The following SHISAL1 variants were observed in gnomAD, a reference collection of about 807,000 sequenced individuals.
The protein encoded by SHISAL1 is protein shisa-like-1.
Under a neutral mutation model 22.6 loss-of-function variants are expected in SHISAL1, and 9 were observed. That is an observed-to-expected ratio of 0.40 (90% CI 0.24 to 0.70). The LOEUF is 0.70. Ranked by LOEUF, SHISAL1 falls within the 30% of genes least tolerant of loss-of-function variation. The pLI is 0.39. For synonymous variants in SHISAL1, 119 were observed against 115.4 expected, an observed-to-expected ratio of 1.03 and a Z score of -0.20; for missense variants, 246 against 270.6, an observed-to-expected ratio of 0.91 and a Z score of 0.64.
rs1024838037 is a variant in SHISAL1, at chr22:44,244,391, A to C, written c.*5294T>G. On this transcript the variant is annotated 3_prime_UTR_variant, in exon 5 of 5. Transcript: ENST00000381176. ...GGGAGCCCATTACCATTTATGGGAC[A>C]GTGTCGTGAATGGTGCCTCCTGGAG... The C allele has an allele frequency of 6.6e-6, 1 of 152,216 alleles. No homozygotes were observed. Among genetic ancestry groups the C allele is most frequent in the Non-Finnish European group, 1.5e-5 (1 of 68,062 alleles). 9.4% of individuals were successfully genotyped at this position (152,216 alleles called of 1,614,324 possible).
intron 4 of SHISAL1, among the ~76,000 whole-genome samples, chr22:44,254,385 G>A (rs749835031): frequency 2.6e-5 from 4 of 151,846 alleles, no homozygotes; most frequent in Non-Finnish European, 5.9e-5. Context: ...TTTAGAGACA[G>A]GCTCTTGCTC....
chr22:44,278,762 G>A (rs911100141), intron 4 of SHISAL1, among the ~76,000 whole-genome samples: 1 of 152,148 alleles, frequency 6.6e-6, no homozygotes, highest in Non-Finnish European at 1.5e-5. Flanking sequence ...GTGGTGATGT[G>A]GATCCTAGCT....
chr22:44,315,224 G>A (rs2055550608), upstream of SHISAL1, among the ~76,000 whole-genome samples: 1 of 152,134 alleles, frequency 6.6e-6, no homozygotes, highest in Admixed American at 6.5e-5. Context: ...CTGGAGTCTG[G>A]AAAATAGAAT....
chr22:44,325,793 C>T, the SHISAL1 span, among the ~76,000 whole-genome samples: 3 of 151,946 alleles, frequency 2.0e-5, no homozygotes, highest in Non-Finnish European at 2.9e-5. Flanking sequence ...ACCTTCATAA[C>T]GAGAAGCCAC....
At chr22:44,281,807 C>T (rs866553603) in intron 4 of SHISAL1, among the ~76,000 whole-genome samples, 7 of 152,156 alleles carry the variant, frequency 4.6e-5, no homozygotes, top group African/African-American at 7.2e-5. Flanking sequence ...GGGAAAGCCC[C>T]GCTTCTCCGT....
At chr22:44,258,926 G>T (rs921148212) in intron 4 of SHISAL1, among the ~76,000 whole-genome samples, 1 of 152,102 alleles carries the variant, frequency 6.6e-6, no homozygotes, top group Admixed American at 6.6e-5. Flanking sequence ...TACAGTAAGG[G>T]GCCCATCACA....
upstream of SHISAL1, among the ~76,000 whole-genome samples, chr22:44,313,336 G>C (rs1443606130): frequency 1.3e-5 from 2 of 152,236 alleles, no homozygotes; most frequent in East Asian, 3.8e-4. Context: ...CCTCTGGCCA[G>C]CATGGCCCGG....
intron 4 of SHISAL1, among the ~76,000 whole-genome samples, chr22:44,278,645 G>T (rs1385586552): frequency 6.6e-6 from 1 of 152,156 alleles, no homozygotes; most frequent in Non-Finnish European, 1.5e-5. Flanking sequence ...TGAACCTTTG[G>T]GGGTACAGAG....
At chr22:44,326,683 C>T in the SHISAL1 span, among the ~76,000 whole-genome samples, 1 of 152,104 alleles carries the variant, frequency 6.6e-6, no homozygotes, top group Non-Finnish European at 1.5e-5. Context: ...TGGGTGGTGA[C>T]TGGAGTATGT....
intron 3 of SHISAL1, among the ~76,000 whole-genome samples, chr22:44,293,190 C>T (rs12159180): frequency 0.027 from 4,087 of 152,302 alleles, 186 homozygotes; most frequent in African/African-American, 0.094. Flanking sequence ...GCACCACGCC[C>T]CCCTCCGCAG....
At chr22:44,260,027 G>A (rs903679823) in intron 4 of SHISAL1, among the ~76,000 whole-genome samples, 13 of 152,040 alleles carry the variant, frequency 8.6e-5, no homozygotes, top group Admixed American at 2.0e-4. Context: ...TCAAGACAAC[G>A]GTGAGTTTAC....
chr22:44,327,909 G>A, the SHISAL1 span, among the ~76,000 whole-genome samples: 1 of 152,132 alleles, frequency 6.6e-6, no homozygotes, highest in Non-Finnish European at 1.5e-5. Context: ...CTTAGGGGTT[G>A]ACAATTGTTT....
chr22:44,253,371 T>C (rs1004481448), intron 4 of SHISAL1, among the ~76,000 whole-genome samples: 10 of 150,910 alleles, frequency 6.6e-5, no homozygotes, highest in Admixed American at 2.0e-4. Context: ...TCAATATTCA[T>C]AGAGCAAGAC....
chr22:44,294,489 A>G (rs1271807026), intron 3 of SHISAL1, among the ~76,000 whole-genome samples: 1 of 152,216 alleles, frequency 6.6e-6, no homozygotes, highest in Non-Finnish European at 1.5e-5. Flanking sequence ...GAAAAAATAC[A>G]TCTGCCCCAA....
At chr22:44,271,117 A>G (rs2055203148) in intron 4 of SHISAL1, among the ~76,000 whole-genome samples, 1 of 152,026 alleles carries the variant, frequency 6.6e-6, no homozygotes, top group South Asian at 2.1e-4. Context: ...TTTCATCCCC[A>G]TGATCCCCTT....
chr22:44,303,698 C>A (rs2055449714), intron 1 of SHISAL1, among the ~76,000 whole-genome samples: 1 of 152,206 alleles, frequency 6.6e-6, no homozygotes, highest in African/African-American at 2.4e-5. Context: ...TACAGCCTCT[C>A]ATGTGGAGCC....
rs969414123 is a variant in SHISAL1 at position 44,247,124 on chromosome 22, C to G, written c.*2561G>C. ...GGCAGTGACCTTTGACCCCAGGTGT[C>G]CAGGAGAGGGAGGCAAGGCCACCAG... On this transcript the variant is annotated 3_prime_UTR_variant, in exon 5 of 5. Transcript: ENST00000381176. 10 of 152,624 alleles carry G rather than the reference C, an allele frequency of 6.6e-5. No homozygotes were observed. The highest frequency in any genetic ancestry group is 2.4e-4 in the African/African-American group (10 of 41,430). 9.5% of individuals were successfully genotyped at this position (152,624 alleles called of 1,614,324 possible).
chr22:44,315,384 T>A (rs80062785), upstream of SHISAL1, among the ~76,000 whole-genome samples: 7,901 of 152,182 alleles, frequency 0.052, 246 homozygotes, highest in Non-Finnish European at 0.062. Context: ...TTGGCCTGGC[T>A]GGGGGTCCCT....
chr22:44,318,075 C>T, the SHISAL1 span, among the ~76,000 whole-genome samples: 13 of 152,244 alleles, frequency 8.5e-5, no homozygotes, highest in African/African-American at 2.2e-4. Flanking sequence ...GGCTGCCCCC[C>T]GACCCAGTCC....
Sources: gnomAD v4.1 joint callset for allele counts (sites outside exome capture counted in the v4.1 genomes callset) on GRCh38, gnomAD v4.1.1 for gene constraint, MANE v1.5 for transcripts, NCBI Gene and HGNC (gene_info 2026-07-23, HGNC 2026-07-21) for gene names.